The following LMBRD2 variants were observed in gnomAD, a reference collection of about 807,000 sequenced individuals.
LMBRD2 encodes G protein-coupled receptor-associated protein LMBRD2.
A neutral mutation model predicts 94.4 loss-of-function variants in LMBRD2; 55 were observed. That is an observed-to-expected ratio of 0.58 (90% confidence interval 0.47 to 0.73). The LOEUF (loss-of-function observed/expected upper bound fraction) is 0.73, where lower values mean the gene tolerates loss of function less well. Among genes scored for constraint, LMBRD2 ranks in the 30% least tolerant of loss-of-function variants. The probability of loss-of-function intolerance (pLI) is 0.00; values close to 1 mark genes in which losing one functional copy is unlikely to be tolerated. For synonymous variants in LMBRD2, 246 were observed against 272.4 expected (o/e 0.90, Z 0.95); for missense variants, 640 against 831.9 (o/e 0.77, Z 2.84).
At chr5:36,116,628 AAC>A in intron 10 of LMBRD2, 35 bp from the exon 11 acceptor site, 1 of 1,601,768 alleles carries the variant, frequency 6.2e-7, no homozygotes, top group Non-Finnish European at 8.5e-7. Context: ...GTTTGTTTAA[AAC>A]AAACAGACTT....
Position 36,117,737 on chromosome 5 carries a change from C to T in LMBRD2, c.1300G>A (p.Glu434Lys), listed in dbSNP as rs748952551. The change falls in exon 10 of 18, where the codon GAG (glutamate) becomes AAG (lysine). Residue 434 changes from glutamate (E) to lysine (K), a missense_variant and splice_region_variant. Around this residue, in one of 2 missense-constraint regions of LMBRD2, gnomAD observed 457 missense variants for 642.8 expected, o/e 0.71. Coordinates refer to ENST00000296603, the MANE Select transcript of LMBRD2 (RefSeq NM_001007527.2). Reference sequence around the variant, plus strand: ...TGACAGACATAAAATAAACTGACCTCGATATAAATATAATTATATGTTTTT... The same window carrying T: ...TGACAGACATAAAATAAACTGACCTTGATATAAATATAATTATATGTTTTT... ...AEKTYNYIYIEIACFLSIFFL... is the reference protein window; with the variant it reads ...AEKTYNYIYIKIACFLSIFFL... 2.4e-5 allele frequency: 39 copies of T among 1,592,726 alleles called. No homozygotes were observed. Among genetic ancestry groups the T allele is most frequent in the Admixed American group, 6.9e-5 (4 of 57,720 alleles).
intron 13 of LMBRD2, among the ~76,000 whole-genome samples, chr5:36,113,807 A>G (rs1256821930): frequency 1.3e-5 from 2 of 152,196 alleles, no homozygotes; most frequent in Non-Finnish European, 2.9e-5. Context: ...AAAAAGAAGG[A>G]AAGACAGATG....
At chr5:36,146,124 C>A (rs1744531924) in intron 1 of LMBRD2, among the ~76,000 whole-genome samples, 1 of 152,130 alleles carries the variant, frequency 6.6e-6, no homozygotes. Flanking sequence ...ATCCTTTATT[C>A]TAGTAATAAA....
chr5:36,106,560 A>G (rs1340124185), intron 16 of LMBRD2, among the ~76,000 whole-genome samples: 1 of 123,754 alleles, frequency 8.1e-6, no homozygotes, highest in Non-Finnish European at 1.6e-5. Context: ...CCCAGGCTGG[A>G]GTGCAGTGAC....
chr5:36,112,740 C>T (rs1380972120), intron 13 of LMBRD2, among the ~76,000 whole-genome samples: 1 of 152,080 alleles, frequency 6.6e-6, no homozygotes, highest in African/African-American at 2.4e-5. Context: ...CACTATTCTG[C>T]CCCATATCAC....
At chr5:36,144,782 C>A (rs1308455012) in intron 1 of LMBRD2, among the ~76,000 whole-genome samples, 1 of 152,074 alleles carries the variant, frequency 6.6e-6, no homozygotes, top group East Asian at 1.9e-4. Context: ...ATAGAAAAGA[C>A]AATTTAAGTA....
At position 36,098,815 on chromosome 5, in the gene LMBRD2, C is replaced by G. The variant is rs1400460128; in HGVS notation, c.*5231G>C. Reference sequence around the variant, plus strand: ...TATTTGAAAATGTAGTGAGAATCTACAGAGAAAAAAAATAGTTTAATCTAC... The same window carrying G: ...TATTTGAAAATGTAGTGAGAATCTAGAGAGAAAAAAAATAGTTTAATCTAC... On this transcript the variant is annotated 3_prime_UTR_variant, in exon 18 of 18. Coordinates refer to ENST00000296603, the MANE Select transcript of LMBRD2 (RefSeq NM_001007527.2). The G allele has an allele frequency of 6.6e-6, 1 of 150,954 alleles. No individual in the cohort carries two copies. Among genetic ancestry groups the G allele is most frequent in the Non-Finnish European group, 1.5e-5 (1 of 67,896 alleles). 9.4% of individuals were successfully genotyped at this position (150,954 alleles called of 1,614,324 possible). A position where few individuals can be genotyped will look rare whatever the true frequency, so the allele number is the denominator to read the frequency against.
At position 36,115,765 on chromosome 5, in the gene LMBRD2, A is replaced by C. The variant is rs1273769771; in HGVS notation, c.1437-645T>G. 3.3e-5 allele frequency among the ~76,000 whole-genome samples: 5 copies of C among 152,260 alleles called. No homozygotes were observed. In the East Asian group the frequency reaches 9.6e-4, roughly 29 times the overall value. On this transcript the variant is annotated intron_variant, in intron 11 of 17. Transcript: ENST00000296603. ...GAAGGATAAAAAATGGTGAGAACTA[A>C]ATAAAGTCTGTAGTTTGTAGTTAAT...
chr5:36,126,286 G>GT (rs1382648627), intron 6 of LMBRD2, among the ~76,000 whole-genome samples: 2 of 152,052 alleles, frequency 1.3e-5, no homozygotes, highest in African/African-American at 4.8e-5. Context: ...GAAATACCAT[G>GT]TTTTTTTCTT....
At chr5:36,145,516 C>G (rs62353824) in intron 1 of LMBRD2, among the ~76,000 whole-genome samples, 2 of 152,216 alleles carry the variant, frequency 1.3e-5, no homozygotes, top group East Asian at 3.9e-4. Context: ...TGCGCCACAG[C>G]GCCCAGCCAA....
chr5:36,120,987 T>C (rs1022951368), intron 9 of LMBRD2, among the ~76,000 whole-genome samples: 2 of 150,980 alleles, frequency 1.3e-5, no homozygotes, highest in African/African-American at 2.4e-5. Context: ...CTTTTCTCTA[T>C]CTCAATTACT....
At position 36,122,400 on chromosome 5, in the gene LMBRD2, C is replaced by T. The variant is rs1027566149; in HGVS notation, c.1000G>A (p.Ala334Thr). ...QVQWQILLEQAFYLEDVAKNE... is the reference protein window; with the variant it reads ...QVQWQILLEQTFYLEDVAKNE... ...TTTGCTACATCTTCTAGATAAAATG[C>T]TTGTTCCAAAAGAATCTGCCATTGT... Residue 334 changes from alanine to threonine, a missense_variant, in exon 9 of 18, where the codon GCA becomes ACA. Ala to Thr is a moderately conservative substitution (Grantham distance 58, BLOSUM62 0). Around this residue, in one of 2 missense-constraint regions of LMBRD2, gnomAD observed 457 missense variants for 642.8 expected, o/e 0.71. Transcript: ENST00000296603. 7 of 1,613,282 alleles carry T rather than the reference C, an allele frequency of 4.3e-6. No homozygotes were observed. The highest frequency in any genetic ancestry group is 4.0e-5 in the African/African-American group (3 of 74,872).
At chr5:36,125,603 G>A (rs1485626581) in intron 6 of LMBRD2, among the ~76,000 whole-genome samples, 1 of 152,042 alleles carries the variant, frequency 6.6e-6, no homozygotes, top group Non-Finnish European at 1.5e-5. Context: ...GTAAGACTGG[G>A]AAAACAGGCC....
intron 13 of LMBRD2, among the ~76,000 whole-genome samples, chr5:36,113,043 C>T (rs956629939): frequency 6.6e-6 from 1 of 151,868 alleles, no homozygotes; most frequent in African/African-American, 2.4e-5. Context: ...AGGAGAACAC[C>T]CCTCATATTG....
At position 36,105,329 on chromosome 5, in the gene LMBRD2, T is replaced by C; in HGVS notation, c.1898-132A>G. ...GACAAAGAACATAAGAAAAGATAAC[T>C]ACATGGTTCCTTAAAATCAGATTAA... On this transcript the variant is annotated intron_variant, in intron 16 of 17. Coordinates refer to ENST00000296603, the MANE Select transcript of LMBRD2 (RefSeq NM_001007527.2). 3.9e-6 allele frequency: 3 copies of C among 769,880 alleles called. No homozygotes were observed. In the East Asian group the frequency reaches 7.6e-5, roughly 20 times the overall value. 47.7% of individuals were successfully genotyped at this position (769,880 alleles called of 1,614,324 possible).
chr5:36,118,058 C>G lies in LMBRD2; in HGVS notation c.1121-142G>C, dbSNP rs569503233. On this transcript the variant is annotated intron_variant, in intron 9 of 17. Coordinates refer to ENST00000296603, the MANE Select transcript of LMBRD2 (RefSeq NM_001007527.2). ...TTACAGTGGAGAATCCAGGCAGATA[C>G]GAACCTAACCAAATGACACCCATGA... 33 of 633,432 alleles carry G rather than the reference C, an allele frequency of 5.2e-5. No individual in the cohort carries two copies. The South Asian group carries it at 6.7e-4, about 13-fold the overall frequency. 39.2% of individuals were successfully genotyped at this position (633,432 alleles called of 1,614,324 possible).
At chr5:36,104,197 A>G (rs1743412284) in intron 17 of LMBRD2, 91 bp from the exon 18 acceptor site, 1 of 992,162 alleles carries the variant, frequency 1.0e-6, no homozygotes, top group Non-Finnish European at 1.6e-6. Context: ...GAGTGGCCAT[A>G]TAATTTGTAA....
chr5:36,132,837 C>T (rs1744186388), intron 6 of LMBRD2, among the ~76,000 whole-genome samples: 1 of 151,598 alleles, frequency 6.6e-6, no homozygotes, highest in Admixed American at 6.6e-5. Flanking sequence ...TATAGAAATG[C>T]TACTGATTTT....
intron 15 of LMBRD2, 119 bp downstream of exon 15, chr5:36,109,821 ATATCT>A (rs1281255215): frequency 1.6e-5 from 11 of 695,538 alleles, no homozygotes; most frequent in Non-Finnish European, 2.6e-5. Flanking sequence ...CTTTAAAAAT[ATATCT>A]TATAACATTT....
Sources: gnomAD v4.1 joint callset for allele counts (sites outside exome capture counted in the v4.1 genomes callset) on GRCh38, gnomAD v4.1.1 for gene constraint, gnomAD v4.1.1 regional missense constraint, MANE v1.5 for transcripts, NCBI Gene and HGNC (gene_info 2026-07-23, HGNC 2026-07-21) for gene names.